IGF2R: variants seen among roughly 807,000 people sequenced by gnomAD.
IGF2R encodes the protein insulin like growth factor 2 receptor.
Under a neutral mutation model 270.6 loss-of-function variants are expected in IGF2R, and 91 were observed. The observed-to-expected ratio is 0.34, with a 90% confidence interval of 0.28 to 0.40. The LOEUF is 0.40. IGF2R is among the 10% of genes least tolerant of loss of function. The pLI is 1.00. For missense variants in IGF2R, 2,805 were observed against 3,188.3 expected (o/e 0.88, Z 2.90); for synonymous variants, 1,316 against 1,258.9 (o/e 1.05, Z -0.96).
intron 19 of IGF2R, among the ~76,000 whole-genome samples, chr6:160,052,553 T>A (rs2115253454): frequency 6.6e-6 from 1 of 152,298 alleles, no homozygotes; most frequent in Middle Eastern, 3.4e-3. Flanking sequence ...AAGCTACCAA[T>A]GGTTTTCTTC....
intron 22 of IGF2R, 90 bp from the exon 23 acceptor site, chr6:160,060,456 TG>T (rs1562361677): frequency 7.8e-7 from 1 of 1,276,792 alleles, no homozygotes; most frequent in Non-Finnish European, 1.1e-6. Flanking sequence ...TTGTTGCCAG[TG>T]GCAGCCTTGT....
At chr6:160,038,551 C>A (rs1159483251) in intron 10 of IGF2R, among the ~76,000 whole-genome samples, 2 of 152,154 alleles carry the variant, frequency 1.3e-5, no homozygotes, top group Non-Finnish European at 2.9e-5. Context: ...CGTTTTTCTT[C>A]ACGTTTGCAG....
rs1227485481 is a variant in IGF2R, at chr6:160,068,250, G to A, written c.4117G>A (p.Asp1373Asn). ...AACTGCGGGTTTTCTTCTTTTCAGA[G>A]ATGGGGCTGGCAACTCCTTCGACCT... Reference protein sequence around the residue: ...PFDLTECSFKDGAGNSFDLSS... With the variant: ...PFDLTECSFKNGAGNSFDLSS... The change falls in exon 30 of 48, where the codon GAT becomes AAT. Residue 1373 changes from aspartate (D) to asparagine (N), a missense_variant and splice_region_variant. By Grantham distance (23) the Asp-to-Asn change is conservative (BLOSUM62 1). This residue lies in a region of IGF2R where 1,851 missense variants were observed against 2,207.2 expected (regional missense o/e 0.84). Coordinates refer to ENST00000356956, the MANE Select transcript of IGF2R (RefSeq NM_000876.4). The A allele has an allele frequency of 6.2e-7, 1 of 1,614,034 alleles. No homozygotes were observed.
intron 42 of IGF2R, 50 bp downstream of exon 42, chr6:160,088,197 G>C (rs1325839113): frequency 1.7e-6 from 2 of 1,185,570 alleles, no homozygotes; most frequent in Non-Finnish European, 2.5e-6. Flanking sequence ...GCATACTGGA[G>C]GGAATTCCTC....
intron 25 of IGF2R, among the ~76,000 whole-genome samples, 168 bp downstream of exon 25, chr6:160,062,096 GT>G (rs1778452451): frequency 1.3e-5 from 2 of 151,018 alleles, no homozygotes; most frequent in Non-Finnish European, 2.9e-5. Flanking sequence ...GGTCTTAAAT[GT>G]TTAATAAATG....
At chr6:160,065,814 G>GTGTGTATACATATATATATATA in intron 29 of IGF2R, among the ~76,000 whole-genome samples, 1 of 78,392 alleles carries the variant, frequency 1.3e-5, no homozygotes, top group Non-Finnish European at 2.3e-5. Flanking sequence ...GTGTGTGTGT[G>GTGTGTATACATATATATATATA]TATATATATA....
chr6:160,060,125 T>C (rs998799555), intron 22 of IGF2R, among the ~76,000 whole-genome samples: 2 of 152,006 alleles, frequency 1.3e-5, no homozygotes, highest in African/African-American at 4.8e-5. Context: ...AGGCCACCGT[T>C]GCAGTGAGTG....
chr6:160,056,557 A>T (rs1182153620), intron 20 of IGF2R, 32 bp downstream of exon 20: 1 of 1,417,936 alleles, frequency 7.1e-7, no homozygotes, highest in Admixed American at 1.7e-5. Context: ...CCTCGTGCTG[A>T]GCTGCCTGCT....
rs1778485436 is a variant in IGF2R at position 160,063,427 on chromosome 6, A to C, written c.3683A>C (p.Glu1228Ala). Residue 1228 changes from glutamate (E) to alanine (A), a missense_variant, in exon 27 of 48, where the codon GAG (glutamate) becomes GCG (alanine). Physicochemically the swap from Glu to Ala is moderately radical, Grantham distance 107. This residue lies in a region of IGF2R where 1,851 missense variants were observed against 2,207.2 expected (regional missense o/e 0.84). Coordinates refer to ENST00000356956, the MANE Select transcript of IGF2R (RefSeq NM_000876.4). ...CATGTTCTTGAAGGGGACAACTGTG[A>C]GGTGAAAGACCCAAGGCATGGCAAC... Reference protein sequence around the residue: ...PVVRVEGDNCEVKDPRHGNLY... With the variant: ...PVVRVEGDNCAVKDPRHGNLY... 9 of 1,612,088 alleles carry C rather than the reference A, an allele frequency of 5.6e-6. No homozygotes were observed. The highest frequency in any genetic ancestry group is 7.6e-6 in the Non-Finnish European group (9 of 1,179,670).
At chr6:160,001,184 G>A (rs532358076) in intron 2 of IGF2R, among the ~76,000 whole-genome samples, 31 of 152,220 alleles carry the variant, frequency 2.0e-4, no homozygotes, top group Non-Finnish European at 4.0e-4. Context: ...ATTTACAGCC[G>A]CTCCCCATTG....
chr6:160,069,681 A>G (rs1187731210), intron 30 of IGF2R, among the ~76,000 whole-genome samples, 187 bp from the exon 31 acceptor site: 1 of 152,234 alleles, frequency 6.6e-6, no homozygotes, highest in African/African-American at 2.4e-5. Context: ...AACAGCATGT[A>G]AGTGAGTGAG....
At chr6:160,035,136 T>C (rs1001812661) in intron 10 of IGF2R, among the ~76,000 whole-genome samples, 4 of 152,140 alleles carry the variant, frequency 2.6e-5, no homozygotes, top group African/African-American at 4.8e-5. Flanking sequence ...GATTCCGTCA[T>C]CATCAGAGAC....
In IGF2R at chr6:159,969,376, C is replaced by A. The variant is rs1200540663; in HGVS notation, c.130C>A (p.Pro44Thr). The change falls in exon 1 of 48, where the codon CCG becomes ACG. Residue 44 changes from proline to threonine, a missense_variant. Physicochemically the swap from Pro to Thr is conservative, Grantham distance 38 (BLOSUM62 -1). Transcript: ENST00000356956. ...GGGGTCCACGCAGGCCCAGGCCGCCCCGTTCCCCGAGCTGTGCAGGTGGGT... is the reference window on the plus strand; with the variant it reads ...GGGGTCCACGCAGGCCCAGGCCGCCACGTTCCCCGAGCTGTGCAGGTGGGT... Reference protein sequence around the residue: ...APGSTQAQAAPFPELCSYTWE... With the variant: ...APGSTQAQAATFPELCSYTWE... The A allele has an allele frequency of 7.8e-7, 1 of 1,278,880 alleles. No homozygotes were observed. Among genetic ancestry groups the A allele is most frequent in the South Asian group, 2.7e-5 (1 of 37,444 alleles). 79.2% of individuals were successfully genotyped at this position (1,278,880 alleles called of 1,614,324 possible). A position where few individuals can be genotyped will look rare whatever the true frequency, so the allele number is the denominator to read the frequency against.
chr6:160,089,650 G>A (rs576738970), intron 43 of IGF2R, among the ~76,000 whole-genome samples: 1 of 152,376 alleles, frequency 6.6e-6, no homozygotes, highest in African/African-American at 2.4e-5. Flanking sequence ...GGCGAGGGCC[G>A]TGTGGTGCTG....
chr6:160,000,306 G>A (rs1316946888), intron 2 of IGF2R, among the ~76,000 whole-genome samples: 1 of 152,156 alleles, frequency 6.6e-6, no homozygotes, highest in East Asian at 1.9e-4. Context: ...GCAGGTGAAG[G>A]GGAAGCAGGC....
chr6:160,073,782 G>A lies in IGF2R; in HGVS notation c.4973G>A (p.Ser1658Asn), dbSNP rs1778796961. The A allele has an allele frequency of 1.9e-6, 3 of 1,613,972 alleles. No homozygotes were observed. Among genetic ancestry groups the A allele is most frequent in the Admixed American group, 1.7e-5 (1 of 60,002 alleles). Residue 1658 changes from serine (S) to asparagine (N), a missense_variant, in exon 35 of 48, where the codon AGC (serine) becomes AAC (asparagine). By Grantham distance (46) the Ser-to-Asn change is conservative. This residue lies in a region of IGF2R where 1,851 missense variants were observed against 2,207.2 expected (regional missense o/e 0.84). Coordinates refer to ENST00000356956, the MANE Select transcript of IGF2R (RefSeq NM_000876.4). ...QATECSVRNG[S>N]SIVDLSPLIH... Reference sequence around the variant, plus strand: ...ACCGAATGTTCCGTGAGGAATGGAAGCTCTATTGTTGACTTGTCTCCCCTT... The same window carrying A: ...ACCGAATGTTCCGTGAGGAATGGAAACTCTATTGTTGACTTGTCTCCCCTT...
chr6:160,091,138 C>T (rs866545917), intron 44 of IGF2R, among the ~76,000 whole-genome samples: 20 of 115,618 alleles, frequency 1.7e-4, no homozygotes, highest in South Asian at 1.2e-3. Context: ...GCAGGTGCTC[C>T]GTGCCCTGGT....
At chr6:160,078,548 A>T (rs1778905210) in intron 37 of IGF2R, among the ~76,000 whole-genome samples, 186 bp downstream of exon 37, 1 of 152,196 alleles carries the variant, frequency 6.6e-6, no homozygotes, top group Admixed American at 6.5e-5. Context: ...TTGCGTGGCC[A>T]ACTCAGCGCA....
intron 18 of IGF2R, among the ~76,000 whole-genome samples, chr6:160,049,859 G>C (rs1778154448): frequency 6.6e-6 from 1 of 152,180 alleles, no homozygotes; most frequent in African/African-American, 2.4e-5. Flanking sequence ...CTGAGACATT[G>C]GGGATTACAG....
Sources: allele counts gnomAD v4.1 joint callset (sites outside exome capture counted in the v4.1 genomes callset), GRCh38; gene constraint gnomAD v4.1.1; regional missense constraint gnomAD v4.1.1; transcripts MANE v1.5; gene names NCBI Gene and HGNC (gene_info 2026-07-23, HGNC 2026-07-21).